Variants in SLC38A6 observed in about 807,000 individuals in gnomAD.
The protein encoded by SLC38A6 is N system amino acid transporter NAT-1.
SLC38A6 carries 73 observed loss-of-function variants against 65.0 expected under a neutral mutation model. The ratio of observed to expected loss-of-function variants is 1.12; its 90% CI spans 0.93 to 1.37. The LOEUF is 1.37. Among genes scored for constraint, SLC38A6 ranks in the 40% most tolerant of loss-of-function variants. The pLI is 0.00. For missense variants in SLC38A6, 561 were observed against 531.1 expected, an observed-to-expected ratio of 1.06 and a Z score of -0.55; for synonymous variants, 183 against 178.8, an observed-to-expected ratio of 1.02 and a Z score of -0.19.
At chr14:60,990,138 C>T (rs2037753415) in intron 3 of SLC38A6, among the ~76,000 whole-genome samples, 1 of 151,948 alleles carries the variant, frequency 6.6e-6, no homozygotes, top group African/African-American at 2.4e-5. Flanking sequence ...TCAAGCGATT[C>T]TCCTGCCTCA....
chr14:61,006,536 A>C (rs1037927508), intron 3 of SLC38A6, among the ~76,000 whole-genome samples: 1 of 152,244 alleles, frequency 6.6e-6, no homozygotes, highest in Non-Finnish European at 1.5e-5. Flanking sequence ...ATACTTCTCA[A>C]AAGAAGACAT....
chr14:61,073,878 C>T (rs2043311487), intron 15 of SLC38A6: 2 of 151,888 alleles, frequency 1.3e-5, no homozygotes, highest in East Asian at 1.9e-4. Context: ...GCCTTCTTCT[C>T]AGCCTCCTCA....
At chr14:60,981,554 A>G in intron 1 of SLC38A6, 172 bp downstream of exon 1, 1 of 1,529,128 alleles carries the variant, frequency 6.5e-7, no homozygotes, top group Admixed American at 2.0e-5. Context: ...AGATTGGCGC[A>G]GTTATGAACG....
At chr14:61,040,444 A>G (rs2041725669) in intron 8 of SLC38A6, among the ~76,000 whole-genome samples, 1 of 149,986 alleles carries the variant, frequency 6.7e-6, no homozygotes, top group East Asian at 2.0e-4. Flanking sequence ...GGTTCACAGC[A>G]TTCTCTTGCC....
At chr14:61,022,039 T>C (rs1487041169) in intron 5 of SLC38A6, among the ~76,000 whole-genome samples, 1 of 152,140 alleles carries the variant, frequency 6.6e-6, no homozygotes, top group Non-Finnish European at 1.5e-5. Context: ...TGTTGGACGG[T>C]AGAGTGGGAA....
chr14:60,983,258 A>T (rs2139666065), intron 2 of SLC38A6, among the ~76,000 whole-genome samples: 1 of 152,332 alleles, frequency 6.6e-6, no homozygotes, highest in East Asian at 1.9e-4. Context: ...CTGGAGGTCA[A>T]GGCAGGCGGA....
intron 3 of SLC38A6, among the ~76,000 whole-genome samples, chr14:61,008,961 AT>A (rs1345770878): frequency 1.3e-5 from 2 of 152,192 alleles, no homozygotes; most frequent in African/African-American, 4.8e-5. Flanking sequence ...TTCTTGAGTA[AT>A]TGTTCCATTT....
chr14:61,069,517 C>T (rs753991483), intron 15 of SLC38A6, among the ~76,000 whole-genome samples: 5 of 152,082 alleles, frequency 3.3e-5, no homozygotes, highest in Non-Finnish European at 7.4e-5. Context: ...TTACCCTCTT[C>T]TATATTGTTA....
chr14:61,076,346 A>C (rs1332955001), intron 15 of SLC38A6, among the ~76,000 whole-genome samples: 1 of 152,218 alleles, frequency 6.6e-6, no homozygotes, highest in Admixed American at 6.5e-5. Flanking sequence ...TAGTCTCATA[A>C]AATAATATGA....
chr14:61,018,658 G>C (rs938517160), intron 4 of SLC38A6, among the ~76,000 whole-genome samples: 2 of 152,142 alleles, frequency 1.3e-5, no homozygotes, highest in Admixed American at 6.5e-5. Flanking sequence ...GTGTTTTACT[G>C]TTTCCTCTAA....
At chr14:61,068,572 G>A (rs1472863356) in intron 15 of SLC38A6, among the ~76,000 whole-genome samples, 1 of 152,116 alleles carries the variant, frequency 6.6e-6, no homozygotes, top group East Asian at 1.9e-4. Flanking sequence ...TTTGCAAGCC[G>A]GGCTTCTTAT....
At chr14:61,047,859 A>G (rs1444996763) in intron 12 of SLC38A6, among the ~76,000 whole-genome samples, 1 of 152,098 alleles carries the variant, frequency 6.6e-6, no homozygotes, top group Non-Finnish European at 1.5e-5. Context: ...ATAATAGAGA[A>G]ATACACATCT....
At chr14:61,002,523 A>G (rs2038782267) in intron 3 of SLC38A6, among the ~76,000 whole-genome samples, 1 of 152,206 alleles carries the variant, frequency 6.6e-6, no homozygotes, top group African/African-American at 2.4e-5. Flanking sequence ...CTATGACCAG[A>G]GTTTATTAAT....
intron 3 of SLC38A6, among the ~76,000 whole-genome samples, chr14:60,992,851 CTTT>C (rs35754433): frequency 2.1e-5 from 3 of 141,122 alleles, no homozygotes; most frequent in African/African-American, 2.6e-5. Context: ...TGCCTCCAAA[CTTT>C]TTTTTTTTTT....
chr14:61,075,537 G>GGGCT (rs1315212805), intron 15 of SLC38A6, among the ~76,000 whole-genome samples: 15 of 152,042 alleles, frequency 9.9e-5, no homozygotes, highest in Non-Finnish European at 1.6e-4. Flanking sequence ...CATCTCATTG[G>GGGCT]CAATATATTG....
chr14:61,038,599 T>C (rs1399494196), intron 8 of SLC38A6, among the ~76,000 whole-genome samples: 1 of 152,198 alleles, frequency 6.6e-6, no homozygotes, highest in East Asian at 1.9e-4. Context: ...TTAAGCCATA[T>C]TAAAGATCCA....
In SLC38A6 at chr14:61,043,248, T is replaced by G. The variant is rs753540491; in HGVS notation, c.690+36T>G. Reference sequence around the variant, plus strand: ...ATATTTTCTTTTCAGTTTCTTCCTTTTTATTTTAACTAAAAAGAAAAGAAA... The same window carrying G: ...ATATTTTCTTTTCAGTTTCTTCCTTGTTATTTTAACTAAAAAGAAAAGAAA... On this transcript the variant is annotated intron_variant, in intron 9 of 15. Coordinates refer to ENST00000267488, the MANE Select transcript of SLC38A6 (RefSeq NM_153811.3). The G allele has an allele frequency of 6.0e-6, 8 of 1,336,326 alleles. No individual in the cohort carries two copies. In the South Asian group the frequency reaches 1.1e-4, roughly 18 times the overall value. The allele number at this position is 1,336,326 out of a possible 1,614,324, so 82.8% of individuals were successfully genotyped here. A position where few individuals can be genotyped will look rare whatever the true frequency, so the allele number is the denominator to read the frequency against.
At chr14:61,001,509 A>G (rs2038707257) in intron 3 of SLC38A6, among the ~76,000 whole-genome samples, 1 of 152,230 alleles carries the variant, frequency 6.6e-6, no homozygotes, top group African/African-American at 2.4e-5. Flanking sequence ...AAAGTAATAT[A>G]TGGTTACATG....
chr14:61,064,429 A>G (rs2042958358), intron 15 of SLC38A6, among the ~76,000 whole-genome samples: 1 of 152,032 alleles, frequency 6.6e-6, no homozygotes, highest in South Asian at 2.1e-4. Flanking sequence ...ATCAATTAAT[A>G]CATTTGTCAC....
Sources: gnomAD v4.1 joint callset for allele counts (sites outside exome capture counted in the v4.1 genomes callset) on GRCh38, gnomAD v4.1.1 for gene constraint, MANE v1.5 for transcripts, NCBI Gene and HGNC (gene_info 2026-07-23, HGNC 2026-07-21) for gene names.